The following MMS22L variants were observed in gnomAD, a reference collection of about 807,000 sequenced individuals.
The protein encoded by MMS22L is MMS22 like, DNA repair protein, also known as protein MMS22-like.
Under a neutral mutation model 159.1 loss-of-function variants are expected in MMS22L, and 74 were observed. The ratio of observed to expected loss-of-function variants is 0.47; its 90% CI spans 0.39 to 0.56. The LOEUF is 0.56. MMS22L is among the 20% of genes least tolerant of loss of function. MMS22L has a pLI of 0.00. For synonymous variants in MMS22L, 517 were observed against 506.9 expected, an observed-to-expected ratio of 1.02 and a Z score of -0.27; for missense variants, 1,351 against 1,422.1, an observed-to-expected ratio of 0.95 and a Z score of 0.80.
chr6:97,142,674 T>TA lies in MMS22L; in HGVS notation c.*4131dup, dbSNP rs1800696546. 6.6e-6 allele frequency: 1 copy of TA among 152,272 alleles called. No homozygotes were observed. Among genetic ancestry groups the TA allele is most frequent in the East Asian group, 1.9e-4 (1 of 5,188 alleles). The allele number at this position is 152,272 out of a possible 1,614,324, so 9.4% of individuals were successfully genotyped here. On this transcript the variant is annotated 3_prime_UTR_variant, in exon 25 of 25. Transcript: ENST00000683635. ...GGGAGACATGAGTGCTATGATAACA[T>TA]ACGGTTTGGGGAAGGCAGATTTCTA...
At chr6:97,238,517 C>T (rs903863621) in intron 11 of MMS22L, among the ~76,000 whole-genome samples, 1 of 151,646 alleles carries the variant, frequency 6.6e-6, no homozygotes, top group Non-Finnish European at 1.5e-5. Flanking sequence ...TCAAGGAGTA[C>T]TACGCATCTC....
At chr6:97,176,336 A>G (rs1332742096) in intron 18 of MMS22L, among the ~76,000 whole-genome samples, 2 of 151,884 alleles carry the variant, frequency 1.3e-5, no homozygotes, top group African/African-American at 4.8e-5. Flanking sequence ...ATATTGCTCT[A>G]TGCTTAGGCT....
At chr6:97,216,073 TC>T (rs1808981826) in intron 14 of MMS22L, among the ~76,000 whole-genome samples, 1 of 152,218 alleles carries the variant, frequency 6.6e-6, no homozygotes, top group African/African-American at 2.4e-5. Context: ...CAGCAGTTAC[TC>T]ACCTTTTTCC....
intron 14 of MMS22L, among the ~76,000 whole-genome samples, chr6:97,204,848 T>C (rs1807587321): frequency 6.9e-6 from 1 of 145,270 alleles, no homozygotes; most frequent in Admixed American, 6.9e-5. Context: ...TGAATGTCAA[T>C]TGAGAGGAGC....
chr6:97,221,966 T>G (rs1809705395), intron 14 of MMS22L, among the ~76,000 whole-genome samples: 3 of 152,050 alleles, frequency 2.0e-5, no homozygotes, highest in Admixed American at 2.0e-4. Flanking sequence ...GAACACCCAA[T>G]AACAAAAGGA....
At chr6:97,172,718 A>C (rs955273449) in intron 19 of MMS22L, among the ~76,000 whole-genome samples, 1 of 152,162 alleles carries the variant, frequency 6.6e-6, no homozygotes, top group African/African-American at 2.4e-5. Context: ...GATGTTTTTA[A>C]TTCTAACAAT....
chr6:97,177,994 T>C (rs1442229814), intron 18 of MMS22L, among the ~76,000 whole-genome samples: 1 of 152,104 alleles, frequency 6.6e-6, no homozygotes, highest in Non-Finnish European at 1.5e-5. Flanking sequence ...AACAAATGGA[T>C]TGGATTTTAA....
In MMS22L at chr6:97,244,733, G is replaced by A. The variant is rs553266468; in HGVS notation, c.1182+1895C>T. On this transcript the variant is annotated intron_variant, in intron 11 of 24. Coordinates refer to ENST00000683635, the MANE Select transcript of MMS22L (RefSeq NM_001350599.2). ...GCCAATTGTAGGACCTTGTGATCATGTGAGTTAATACTCCTTAATAAACTC... is the reference window on the plus strand; with the variant it reads ...GCCAATTGTAGGACCTTGTGATCATATGAGTTAATACTCCTTAATAAACTC... 3.3e-5 allele frequency among the ~76,000 whole-genome samples: 5 copies of A among 152,218 alleles called. No homozygotes were observed. The East Asian group carries it at 9.7e-4, about 29-fold the overall frequency.
chr6:97,251,648 A>C (rs1440605092), intron 10 of MMS22L, among the ~76,000 whole-genome samples: 1 of 152,194 alleles, frequency 6.6e-6, no homozygotes, highest in Non-Finnish European at 1.5e-5. Context: ...TGATTTTTTA[A>C]AATCGTGGCA....
chr6:97,269,869 A>G (rs772402923), intron 7 of MMS22L, 33 bp downstream of exon 7: 2 of 1,482,336 alleles, frequency 1.3e-6, no homozygotes, highest in Non-Finnish European at 9.2e-7. Flanking sequence ...GCTGATTTTA[A>G]AAAGAATATA....
intron 8 of MMS22L, chr6:97,263,853 C>T (rs1158749201): frequency 3.9e-5 from 6 of 153,600 alleles, no homozygotes; most frequent in African/African-American, 7.3e-5. Context: ...GGACTACAGG[C>T]GCCCACCACC....
chr6:97,198,516 T>A (rs1468349267), intron 14 of MMS22L, among the ~76,000 whole-genome samples: 1 of 152,170 alleles, frequency 6.6e-6, no homozygotes, highest in African/African-American at 2.4e-5. Context: ...TTACATAGTA[T>A]ATTATGCTCT....
At chr6:97,244,889 C>A (rs911233822) in intron 11 of MMS22L, among the ~76,000 whole-genome samples, 1 of 151,924 alleles carries the variant, frequency 6.6e-6, no homozygotes, top group Admixed American at 6.6e-5. Context: ...TGGGTATGGG[C>A]GGGGGCAGTT....
rs1554253274 is a variant in MMS22L, at chr6:97,145,024, C to CCCCCCACACA, written c.*1781_*1782insTGTGTGGGGG. On this transcript the variant is annotated 3_prime_UTR_variant, in exon 25 of 25. Transcript: ENST00000683635. Reference sequence around the variant, plus strand: ...TCAATCTCCTTTGGAAAAAAAAAACCCACACACACACACACACACACACAC... The same window carrying CCCCCCACACA: ...TCAATCTCCTTTGGAAAAAAAAAACCCCCCCACACACACACACACACACACACACACACAC... The CCCCCCACACA allele has an allele frequency of 3.0e-5, 2 of 67,554 alleles. No homozygotes were observed. The highest frequency in any genetic ancestry group is 5.2e-4 in the East Asian group (2 of 3,818). 4.2% of individuals were successfully genotyped at this position (67,554 alleles called of 1,614,324 possible).
rs10484830 is a variant in MMS22L, at chr6:97,165,423, G to A, written c.3044C>T (p.Pro1015Leu). The A allele has an allele frequency of 0.047, 76,264 of 1,612,344 alleles. 3,647 individuals are homozygous for A. Among genetic ancestry groups the A allele is most frequent in the African/African-American group, 0.25 (18,829 of 74,786 alleles). ...TAGCAATTGATTCAAATAGGCATTC[G>A]GATTTTGAGATTGACAACACACGAT... is the stretch of plus-strand genomic sequence containing the variant. Reference protein sequence around the residue: ...MCIVCCQSQNPNAYLNQLLGN... With the variant: ...MCIVCCQSQNLNAYLNQLLGN... Residue 1015 changes from proline (P) to leucine (L), a missense_variant, in exon 21 of 25, where the codon CCG becomes CTG. Transcript: ENST00000683635.
At chr6:97,167,193 C>T (rs192392998) in intron 20 of MMS22L, among the ~76,000 whole-genome samples, 9 of 152,218 alleles carry the variant, frequency 5.9e-5, no homozygotes, top group East Asian at 5.8e-4. Flanking sequence ...TGCTCAGAAA[C>T]CAATCCTTAC....
chr6:97,225,401 C>A (rs905194774), intron 14 of MMS22L, among the ~76,000 whole-genome samples: 1 of 150,924 alleles, frequency 6.6e-6, no homozygotes, highest in Admixed American at 6.6e-5. Flanking sequence ...GAGACGGAGT[C>A]GTGCAGTGGC....
chr6:97,191,116 T>C (rs941906787), intron 14 of MMS22L, among the ~76,000 whole-genome samples: 3 of 152,186 alleles, frequency 2.0e-5, no homozygotes, highest in African/African-American at 7.2e-5. Context: ...TGTTTACTTA[T>C]CCATTTTGCC....
intron 13 of MMS22L, chr6:97,231,041 C>A: frequency 6.0e-6 from 1 of 167,686 alleles, no homozygotes; most frequent in South Asian, 1.5e-4. Flanking sequence ...TCAAAAGAGA[C>A]AGAGAAAACA....
Sources: gnomAD v4.1 joint callset for allele counts (sites outside exome capture counted in the v4.1 genomes callset) on GRCh38, gnomAD v4.1.1 for gene constraint, MANE v1.5 for transcripts, NCBI Gene and HGNC (gene_info 2026-07-23, HGNC 2026-07-21) for gene names.